WWOX: variants seen among roughly 807,000 people sequenced by gnomAD.
WWOX encodes WW domain containing oxidoreductase, also known as WW domain-containing oxidoreductase.
A neutral mutation model predicts 46.2 loss-of-function variants in WWOX; 69 were observed. That is an observed-to-expected ratio of 1.49 (90% confidence interval 1.23 to 1.82). The LOEUF is 1.82. Ranked by LOEUF, WWOX falls within the 40% of genes most tolerant of loss-of-function variation. The pLI is 0.00. For missense variants in WWOX, 919 were observed against 542.6 expected (o/e 1.69, Z -6.89); for synonymous variants, 359 against 202.6 (o/e 1.77, Z -6.56).
In WWOX at chr16:78,502,203, C is replaced by T. The variant is rs368491149; in HGVS notation, c.1056+69451C>T. Among the ~76,000 whole-genome samples, 37 of 152,214 alleles carry T rather than the reference C, an allele frequency of 2.4e-4. No homozygotes were observed. The East Asian group carries it at 6.0e-3, about 25-fold the overall frequency. Reference sequence around the variant, plus strand: ...ATAGTTTTATTGATATATAATGTGCCTACCATATAATTCATCTGCTTAAGG... The same window carrying T: ...ATAGTTTTATTGATATATAATGTGCTTACCATATAATTCATCTGCTTAAGG... On this transcript the variant is annotated intron_variant, in intron 8 of 8. Coordinates refer to ENST00000566780, the MANE Select transcript of WWOX (RefSeq NM_016373.4).
At chr16:78,615,754 T>TC (rs1229402529) in intron 8 of WWOX, among the ~76,000 whole-genome samples, 104 of 139,854 alleles carry the variant, frequency 7.4e-4, no homozygotes, top group African/African-American at 2.8e-3. Context: ...AATAGGATAA[T>TC]TTTTTTTTTT....
chr16:78,467,109 C>T (rs1000726112), intron 8 of WWOX, among the ~76,000 whole-genome samples: 17 of 152,112 alleles, frequency 1.1e-4, no homozygotes, highest in African/African-American at 3.6e-4. Flanking sequence ...AATCTATGTG[C>T]ATTATAGTCT....
chr16:78,844,573 G>T (rs1337219689), intron 8 of WWOX, among the ~76,000 whole-genome samples: 2 of 152,144 alleles, frequency 1.3e-5, no homozygotes, highest in Non-Finnish European at 2.9e-5. Flanking sequence ...AGGGAAAATG[G>T]CAACAGCACA....
rs199679842 is a variant in WWOX, at chr16:78,456,631, C to A, written c.1056+23879C>A. ...ATTTTTATAAAAAAATTTAAAAATT[C>A]TGAATCTGTGGTGTTTCTGAAACAT... On this transcript the variant is annotated intron_variant, in intron 8 of 8. Transcript: ENST00000566780. 4.6e-5 allele frequency among the ~76,000 whole-genome samples: 7 copies of A among 152,058 alleles called. 1 individual carries two copies. Among genetic ancestry groups the A allele is most frequent in the Non-Finnish European group, 8.8e-5 (6 of 68,014 alleles).
intron 8 of WWOX, among the ~76,000 whole-genome samples, chr16:78,447,588 A>G (rs550462021): frequency 2.8e-4 from 43 of 152,308 alleles, no homozygotes; most frequent in African/African-American, 1.0e-3. Context: ...CTTAGACTCC[A>G]TTGTTCCAAA....
At chr16:78,211,956 C>T (rs568170652) in intron 5 of WWOX, among the ~76,000 whole-genome samples, 4 of 152,332 alleles carry the variant, frequency 2.6e-5, no homozygotes, top group African/African-American at 7.2e-5. Flanking sequence ...ATGTTAACAT[C>T]CTGGTAGCTC....
intron 8 of WWOX, among the ~76,000 whole-genome samples, chr16:79,049,034 C>G (rs769015775): frequency 6.6e-6 from 1 of 152,136 alleles, no homozygotes; most frequent in Non-Finnish European, 1.5e-5. Flanking sequence ...GCTAGATACC[C>G]GAGATACAAA....
At chr16:78,189,930 C>T (rs2035830783) in intron 5 of WWOX, among the ~76,000 whole-genome samples, 1 of 151,296 alleles carries the variant, frequency 6.6e-6, no homozygotes. Flanking sequence ...GCTGGGATTA[C>T]AGGAATGAGC....
chr16:78,957,973 C>G (rs908795982), intron 8 of WWOX, among the ~76,000 whole-genome samples: 2 of 152,192 alleles, frequency 1.3e-5, no homozygotes, highest in Non-Finnish European at 2.9e-5. Context: ...TCAGTGCCCT[C>G]TCACTTTCGT....
chr16:78,886,634 A>G (rs1463186973), intron 8 of WWOX, among the ~76,000 whole-genome samples: 1 of 99,852 alleles, frequency 1.0e-5, no homozygotes, highest in South Asian at 3.0e-4. Flanking sequence ...TATTACAAAG[A>G]AAAACATATA....
At chr16:78,866,569 G>T (rs1383449783) in intron 8 of WWOX, among the ~76,000 whole-genome samples, 1 of 152,132 alleles carries the variant, frequency 6.6e-6, no homozygotes, top group Non-Finnish European at 1.5e-5. Flanking sequence ...AAATTGGAAG[G>T]GGAACAAAAT....
chr16:78,429,094 T>C (rs1314100469), intron 7 of WWOX, among the ~76,000 whole-genome samples: 2 of 152,218 alleles, frequency 1.3e-5, no homozygotes, highest in African/African-American at 4.8e-5. Flanking sequence ...GAGTCCTTAC[T>C]ATGTGTCAGG....
At chr16:78,635,651 C>G (rs1008711928) in intron 8 of WWOX, among the ~76,000 whole-genome samples, 5 of 152,170 alleles carry the variant, frequency 3.3e-5, no homozygotes, top group Non-Finnish European at 7.3e-5. Context: ...AAATGCTTGA[C>G]CAGCATTCAC....
intron 8 of WWOX, among the ~76,000 whole-genome samples, chr16:78,996,724 C>G (rs2046997461): frequency 6.6e-6 from 1 of 152,100 alleles, no homozygotes; most frequent in African/African-American, 2.4e-5. Context: ...GTAAACAGCC[C>G]ATGAAAACAG....
rs116520865 is a variant in WWOX, at chr16:78,369,422, T to C, written c.517-17438T>C. ...AGTTAGTGGAAGACTTATTCCAGAT[T>C]ATAAAGAGAAGAACCAAAATAAAGA... On this transcript the variant is annotated intron_variant, in intron 5 of 8. Transcript: ENST00000566780. Among the ~76,000 whole-genome samples the C allele has an allele frequency of 1.0e-3, 155 of 152,254 alleles. 1 individual carries two copies. Among genetic ancestry groups the C allele is most frequent in the African/African-American group, 3.6e-3 (151 of 41,554 alleles).
chr16:78,252,929 T>C lies in WWOX; in HGVS notation c.516+88640T>C, dbSNP rs148242759. Among the ~76,000 whole-genome samples, 9 of 152,330 alleles carry C rather than the reference T, an allele frequency of 5.9e-5. No individual in the cohort carries two copies. In the East Asian group the frequency reaches 1.7e-3, roughly 29 times the overall value. On this transcript the variant is annotated intron_variant, in intron 5 of 8. Coordinates refer to ENST00000566780, the MANE Select transcript of WWOX (RefSeq NM_016373.4). ...ACAGATTGCAAAATTACACCATTTG[T>C]TTAAACAACATTCATTATTGATTAT... is the stretch of plus-strand genomic sequence containing the variant.
intron 5 of WWOX, among the ~76,000 whole-genome samples, chr16:78,296,050 A>G (rs1362535612): frequency 2.6e-5 from 4 of 152,212 alleles, no homozygotes; most frequent in African/African-American, 9.6e-5. Flanking sequence ...AAAAGCATCA[A>G]AGTTATTTTA....
chr16:78,701,640 C>T (rs947616363), intron 8 of WWOX, among the ~76,000 whole-genome samples: 1 of 152,058 alleles, frequency 6.6e-6, no homozygotes, highest in Non-Finnish European at 1.5e-5. Context: ...TTTCCCTCTC[C>T]TCTGCAGGGA....
chr16:78,389,784 T>A (rs899903937), intron 6 of WWOX, among the ~76,000 whole-genome samples: 4 of 152,234 alleles, frequency 2.6e-5, no homozygotes, highest in African/African-American at 9.6e-5. Flanking sequence ...AGGGTCTCGC[T>A]GTGTTGCCCA....
Sources: allele counts gnomAD v4.1 joint callset (sites outside exome capture counted in the v4.1 genomes callset), GRCh38; gene constraint gnomAD v4.1.1; transcripts MANE v1.5; gene names NCBI Gene and HGNC (gene_info 2026-07-23, HGNC 2026-07-21).